The following GJA9 variants were observed in gnomAD, a reference collection of about 807,000 sequenced individuals.
GJA9 encodes the protein gap junction alpha-9 protein.
In GJA9, 1 loss-of-function variant was observed where a neutral mutation model predicts 0.4. That is an observed-to-expected ratio of 2.50 (90% CI 0.89 to 11.88). The LOEUF is 11.88. Ranked by LOEUF, GJA9 falls within the 30% of genes most tolerant of loss-of-function variation. The pLI is 0.12. For synonymous variants in GJA9, 190 were observed against 219.1 expected, an observed-to-expected ratio of 0.87 and a Z score of 1.17; for missense variants, 550 against 602.8, an observed-to-expected ratio of 0.91 and a Z score of 0.92.
intron 1 of GJA9, 55 bp downstream of exon 1, chr1:38,881,374 TAAA>T (rs1212675578): frequency 1.4e-6 from 1 of 697,104 alleles, no homozygotes; most frequent in African/African-American, 1.8e-5. Context: ...AAGAAAAAGA[TAAA>T]AACATTTCAA....
intron 1 of GJA9, among the ~76,000 whole-genome samples, chr1:38,878,730 CTT>C (rs1240029430): frequency 0.014 from 1,434 of 103,382 alleles, 19 homozygotes; most frequent in African/African-American, 0.039. Flanking sequence ...GTACCAGAAT[CTT>C]TTTTTTTTTT....
At chr1:38,881,122 T>C (rs1642690971) in intron 1 of GJA9, among the ~76,000 whole-genome samples, 1 of 152,172 alleles carries the variant, frequency 6.6e-6, no homozygotes, top group Admixed American at 6.5e-5. Flanking sequence ...TTAACGGTGA[T>C]TAGCTCTGGA....
At chr1:38,880,679 G>T (rs1449028244) in intron 1 of GJA9, among the ~76,000 whole-genome samples, 1 of 151,560 alleles carries the variant, frequency 6.6e-6, no homozygotes, top group African/African-American at 2.4e-5. Flanking sequence ...CTACTCAGGA[G>T]ACTGAGGCAG....
In GJA9 at chr1:38,875,902, T is replaced by C. The variant is rs1267189844; in HGVS notation, c.197A>G (p.Tyr66Cys). ...TEQPGCRNVCYDQAFPISLIR... is the reference protein window; with the variant it reads ...TEQPGCRNVCCDQAFPISLIR... Reference sequence around the variant, plus strand: ...GAGGGAGATAGGAAAGGCCTGGTCGTAGCATACATTTCTGCAGCCTGGTTG... The same window carrying C: ...GAGGGAGATAGGAAAGGCCTGGTCGCAGCATACATTTCTGCAGCCTGGTTG... Residue 66 changes from tyrosine to cysteine, a missense_variant, in exon 2 of 2, where the codon TAC becomes TGC. Tyr to Cys is a radical substitution (Grantham distance 194, BLOSUM62 -2). Transcript: ENST00000357771. The C allele has an allele frequency of 6.2e-7, 1 of 1,614,082 alleles. No individual in the cohort carries two copies. Among genetic ancestry groups the C allele is most frequent in the Admixed American group, 1.7e-5 (1 of 59,996 alleles).
rs1404395040 is a variant in GJA9 at position 38,874,686 on chromosome 1, A to C, written c.1413T>G (p.Ala471=). ...DSQSLDIPNT[A]DSLGGLSFEP... is the part of the protein sequence containing the mutation. ...CAAAGGACAGCCCTCCCAAAGAATC[A>C]GCAGTGTTTGGAATGTCAAGTGATT... The change falls in exon 2 of 2, where the codon GCT becomes GCG. Residue 471 remains alanine (A), a synonymous_variant. Coordinates refer to ENST00000357771, the MANE Select transcript of GJA9 (RefSeq NM_030772.5). The C allele has an allele frequency of 6.2e-7, 1 of 1,614,220 alleles. No individual in the cohort carries two copies. Among genetic ancestry groups the C allele is most frequent in the Non-Finnish European group, 8.5e-7 (1 of 1,180,028 alleles).
At chr1:38,879,342 G>A (rs1470014633) in intron 1 of GJA9, among the ~76,000 whole-genome samples, 1 of 152,110 alleles carries the variant, frequency 6.6e-6, no homozygotes, top group Non-Finnish European at 1.5e-5. Flanking sequence ...TTTATATAAA[G>A]GGAACTGTTA....
rs753546933 is a variant in GJA9, at chr1:38,875,817, GCCCATGTAGA to G, written c.272_281del (p.Val91AlafsTer7). ...GAACTCTCAGTCGGTACAATGCATGGCCCATGTAGACCAGGGATGGTGAAGACACAAATAT... is the reference window on the plus strand; with the variant it reads ...GAACTCTCAGTCGGTACAATGCATGGCCAGGGATGGTGAAGACACAAATAT... On this transcript the variant is annotated frameshift_variant, in exon 2 of 2. Transcript: ENST00000357771. LOFTEE classifies it low-confidence loss of function (END_TRUNC). The G allele has an allele frequency of 6.2e-7, 1 of 1,614,196 alleles. No individual in the cohort carries two copies. Among genetic ancestry groups the G allele is most frequent in the East Asian group, 2.2e-5 (1 of 44,880 alleles).
Position 38,874,979 on chromosome 1 carries a change from C to T in GJA9, c.1120G>A (p.Glu374Lys). 6.2e-7 allele frequency: 1 copy of T among 1,614,196 alleles called. No homozygotes were observed. The highest frequency in any genetic ancestry group is 1.3e-5 in the African/African-American group (1 of 75,044). Residue 374 changes from glutamate (E) to lysine (K), a missense_variant, in exon 2 of 2, where the codon GAA becomes AAA. Transcript: ENST00000357771. ...GNQLMEKRET[E>K]GKDSKRNYYS... is the part of the protein sequence containing the mutation. ...TAGTTCCTTTTGCTGTCTTTGCCTT[C>T]AGTTTCTCTTTTTTCCATTAACTGG... is the stretch of plus-strand genomic sequence containing the variant.
intron 1 of GJA9, among the ~76,000 whole-genome samples, chr1:38,877,652 A>AC (rs1307167622): frequency 2.6e-5 from 4 of 151,106 alleles, no homozygotes; most frequent in Non-Finnish European, 5.9e-5. Flanking sequence ...GCCTGCCAAC[A>AC]CCCCCCGGGA....
chr1:38,880,797 A>AT (rs1434216062), intron 1 of GJA9, among the ~76,000 whole-genome samples: 3 of 152,188 alleles, frequency 2.0e-5, no homozygotes, highest in Non-Finnish European at 4.4e-5. Flanking sequence ...ATAAAAAAAA[A>AT]GTAAGCAAGT....
In GJA9 at chr1:38,874,854, G is replaced by T. The variant is rs569341982; in HGVS notation, c.1245C>A (p.Cys415Ter). 3.7e-6 allele frequency: 6 copies of T among 1,614,126 alleles called. No homozygotes were observed. In the East Asian group the frequency reaches 1.1e-4, roughly 30 times the overall value. ...CTCTAAGCCACCGCGGTTTCCAATC[G>T]CAGTTAGCTGGCAAGGAGAAAACTG... ...PQTVFSLPAN[C>*]DWKPRWLRAT... is the part of the protein sequence containing the mutation. The change falls in exon 2 of 2, where the codon TGC becomes TGA. Residue 415 changes from cysteine (C) to a stop codon, truncating the protein, a stop_gained. Coordinates refer to ENST00000357771, the MANE Select transcript of GJA9 (RefSeq NM_030772.5). LOFTEE classifies it low-confidence loss of function (END_TRUNC).
Position 38,876,221 on chromosome 1 carries a change from C to G in GJA9, c.-95-28G>C, listed in dbSNP as rs1055290795. The G allele has an allele frequency of 4.1e-5, 31 of 751,832 alleles. 2 individuals are homozygous for G. In the South Asian group the frequency reaches 5.4e-4, roughly 13 times the overall value. The allele number at this position is 751,832 out of a possible 1,614,324, so 46.6% of individuals were successfully genotyped here. ...ATGGTGAAAATATAACAATATGTCA[C>G]TTCTATATGCTGGTTGCTTTACTTT... is the stretch of plus-strand genomic sequence containing the variant. On this transcript the variant is annotated intron_variant, in intron 1 of 1. Transcript: ENST00000357771.
At chr1:38,879,025 G>T (rs1002646751) in intron 1 of GJA9, among the ~76,000 whole-genome samples, 2 of 151,990 alleles carry the variant, frequency 1.3e-5, no homozygotes, top group Non-Finnish European at 2.9e-5. Flanking sequence ...GAGCCACTGC[G>T]CCCGGCCTTA....
chr1:38,877,915 A>G (rs56032696), intron 1 of GJA9, among the ~76,000 whole-genome samples: 23,224 of 152,192 alleles, frequency 0.15, 2,250 homozygotes, highest in Non-Finnish European at 0.22. Context: ...TGGCTGTCAT[A>G]GGAATTTAGA....
rs771780519 is a variant in GJA9 at position 38,876,144 on chromosome 1, G to A, written c.-46C>T. 2.0e-6 allele frequency: 3 copies of A among 1,465,460 alleles called. No individual in the cohort carries two copies. The highest frequency in any genetic ancestry group is 2.5e-5 in the South Asian group (2 of 81,044). The allele number at this position is 1,465,460 out of a possible 1,614,324, so 90.8% of individuals were successfully genotyped here. On this transcript the variant is annotated 5_prime_UTR_variant, in exon 2 of 2. Transcript: ENST00000357771. ...TAGCTCTGATCCACATCAAATAAGA[G>A]GCAGATAAATTCTTCCATTCTGAAG...
chr1:38,881,356 G>T, intron 1 of GJA9, 76 bp downstream of exon 1: 1 of 691,968 alleles, frequency 1.4e-6, no homozygotes, highest in Non-Finnish European at 2.6e-6. Context: ...CAGTACCATA[G>T]AATTCAAAAG....
Position 38,875,215 on chromosome 1 carries a change from G to A in GJA9, c.884C>T (p.Ala295Val), listed in dbSNP as rs1294404764. Residue 295 changes from alanine to valine, a missense_variant, in exon 2 of 2, where the codon GCA becomes GTA. Physicochemically the swap from Ala to Val is moderately conservative, Grantham distance 64. Transcript: ENST00000357771. ...AGATGAATTTAAACTAGGGTACACTGCAGTGTGTGTTTGCTTTTCCACTAA... is the reference window on the plus strand; with the variant it reads ...AGATGAATTTAAACTAGGGTACACTACAGTGTGTGTTTGCTTTTCCACTAA... Reference protein sequence around the residue: ...NLLVEKQTHTAVYPSLNSSSV... With the variant: ...NLLVEKQTHTVVYPSLNSSSV... 1.2e-6 allele frequency: 2 copies of A among 1,614,022 alleles called. No homozygotes were observed. The highest frequency in any genetic ancestry group is 1.7e-6 in the Non-Finnish European group (2 of 1,180,004).
Position 38,876,006 on chromosome 1 carries a change from T to C in GJA9, c.93A>G (p.Ile31Met), listed in dbSNP as rs1193029774. ...IGKIWLTILF[I>M]FRMLVLGVAA... ...CTACACCCAGAACAAGCATTCGAAA[T>C]ATGAACAGGATGGTGAGCCAGATCT... The change falls in exon 2 of 2, where the codon ATA (isoleucine) becomes ATG (methionine). Residue 31 changes from isoleucine to methionine, a missense_variant. Coordinates refer to ENST00000357771, the MANE Select transcript of GJA9 (RefSeq NM_030772.5). The C allele has an allele frequency of 5.0e-6, 8 of 1,614,084 alleles. No individual in the cohort carries two copies. The African/African-American group carries it at 9.3e-5, about 19-fold the overall frequency.
chr1:38,875,037 A>G lies in GJA9; in HGVS notation c.1062T>C (p.Thr354=), dbSNP rs201928742. The G allele has an allele frequency of 1.2e-4, 186 of 1,613,728 alleles. No homozygotes were observed. The highest frequency in any genetic ancestry group is 1.5e-4 in the Non-Finnish European group (178 of 1,179,894). The change falls in exon 2 of 2, where the codon ACT becomes ACC. Residue 354 remains threonine (T), a synonymous_variant. Coordinates refer to ENST00000357771, the MANE Select transcript of GJA9 (RefSeq NM_030772.5). ...QHISSNNNKD[T]HKIFGKELNG... ...TAAGTTCTTTTCCAAATATTTTATG[A>G]GTGTCTTTGTTATTGTTTGAACTGA...
Sources: gnomAD v4.1 joint callset for allele counts (sites outside exome capture counted in the v4.1 genomes callset) on GRCh38, gnomAD v4.1.1 for gene constraint, MANE v1.5 for transcripts, NCBI Gene and HGNC (gene_info 2026-07-23, HGNC 2026-07-21) for gene names.